The following SRPK2 variants were observed in gnomAD, a reference collection of about 807,000 sequenced individuals.
The protein encoded by SRPK2 is SFRS protein kinase 2.
A neutral mutation model predicts 90.8 loss-of-function variants in SRPK2; 21 were observed. That is an observed-to-expected ratio of 0.23 (90% CI 0.16 to 0.33). The LOEUF is 0.33. Among genes scored for constraint, SRPK2 ranks in the 10% least tolerant of loss-of-function variants. SRPK2 has a pLI of 1.00. For missense variants in SRPK2, 620 were observed against 869.0 expected (o/e 0.71, Z 3.60); for synonymous variants, 288 against 311.1 (o/e 0.93, Z 0.78).
Position 105,205,517 on chromosome 7 carries a change from TCACACACACACACACACACACACA to T in SRPK2, c.72-1756_72-1733del, listed in dbSNP as rs543121144. On this transcript the variant is annotated intron_variant, in intron 2 of 15. Coordinates refer to ENST00000393651, the MANE Select transcript of SRPK2 (RefSeq NM_182692.3). ...TTCATTCTCTCTCTCTCTCTCTCTC[TCACACACACACACACACACACACA>T]CACACACACACACACACACACACAC... Among the ~76,000 whole-genome samples, 198 of 95,892 alleles carry T rather than the reference TCACACACACACACACACACACACA, an allele frequency of 2.1e-3. 2 individuals are homozygous for T. The highest frequency in any genetic ancestry group is 6.0e-3 in the African/African-American group (168 of 28,112). The allele number at this position is 95,892 out of a possible 152,430, so 62.9% of individuals were successfully genotyped here. A position where few individuals can be genotyped will look rare whatever the true frequency, so the allele number is the denominator to read the frequency against.
chr7:105,201,683 G>A (rs1252638331), intron 3 of SRPK2, among the ~76,000 whole-genome samples: 1 of 151,748 alleles, frequency 6.6e-6, no homozygotes, highest in African/African-American at 2.4e-5. Flanking sequence ...ACACATGCCT[G>A]CAGTTCCAAC....
In SRPK2 at chr7:105,246,230, A is replaced by C. The variant is rs577567674; in HGVS notation, c.72-42445T>G. ...AGTTACACACAGAGTAATTTCTGTC[A>C]CCGACCCCAGAGCCCCTAAGGACAG... On this transcript the variant is annotated intron_variant, in intron 2 of 15. Transcript: ENST00000393651. 1.1e-4 allele frequency among the ~76,000 whole-genome samples: 17 copies of C among 152,318 alleles called. No individual in the cohort carries two copies. The East Asian group carries it at 3.1e-3, about 28-fold the overall frequency.
intron 13 of SRPK2, among the ~76,000 whole-genome samples, chr7:105,129,692 A>T (rs1801729723): frequency 6.6e-6 from 1 of 152,090 alleles, no homozygotes; most frequent in African/African-American, 2.4e-5. Flanking sequence ...AATCTTTATT[A>T]TTATTTTTAA....
intron 2 of SRPK2, among the ~76,000 whole-genome samples, chr7:105,204,369 A>C (rs1262809437): frequency 6.6e-6 from 1 of 152,192 alleles, no homozygotes; most frequent in Non-Finnish European, 1.5e-5. Flanking sequence ...GCCTGTTCGA[A>C]GTTTTGAATG....
chr7:105,193,396 C>T (rs1794544581), intron 3 of SRPK2, among the ~76,000 whole-genome samples: 1 of 152,146 alleles, frequency 6.6e-6, no homozygotes, highest in African/African-American at 2.4e-5. Context: ...GTCTATGTGC[C>T]TATTTTTATA....
At chr7:105,323,995 G>GTGTGTGTGTA (rs1554509951) in intron 2 of SRPK2, among the ~76,000 whole-genome samples, 3 of 147,848 alleles carry the variant, frequency 2.0e-5, no homozygotes, top group Admixed American at 6.8e-5. Flanking sequence ...GTGTGTGTGT[G>GTGTGTGTGTA]TGTGTGTGTG....
At chr7:105,371,298 G>A (rs540063684) in intron 2 of SRPK2, among the ~76,000 whole-genome samples, 1 of 151,712 alleles carries the variant, frequency 6.6e-6, no homozygotes, top group African/African-American at 2.4e-5. Flanking sequence ...CAGCTACTCG[G>A]GAACATGGTG....
intron 2 of SRPK2, chr7:105,204,939 G>A (rs1796009514): frequency 3.0e-6 from 1 of 336,288 alleles, no homozygotes; most frequent in Non-Finnish European, 5.7e-6. Flanking sequence ...CCCAGTGGAA[G>A]GCCGATTCTG....
chr7:105,156,541 C>T (rs1806519609), intron 7 of SRPK2, among the ~76,000 whole-genome samples: 1 of 152,154 alleles, frequency 6.6e-6, no homozygotes, highest in Admixed American at 6.6e-5. Flanking sequence ...TGTTCTGTCA[C>T]ACAGGCTAGA....
At chr7:105,332,520 T>C (rs1483258005) in intron 2 of SRPK2, among the ~76,000 whole-genome samples, 7 of 152,128 alleles carry the variant, frequency 4.6e-5, no homozygotes. Flanking sequence ...TCTCAGCACT[T>C]TGTGAGGTCA....
intron 2 of SRPK2, among the ~76,000 whole-genome samples, chr7:105,359,854 G>A (rs1191737431): frequency 2.0e-5 from 3 of 152,170 alleles, no homozygotes; most frequent in Non-Finnish European, 4.4e-5. Context: ...TGTATATTCC[G>A]TTGATTTGGG....
chr7:105,260,416 G>C (rs959325936), intron 2 of SRPK2, among the ~76,000 whole-genome samples: 1 of 152,150 alleles, frequency 6.6e-6, no homozygotes, highest in Non-Finnish European at 1.5e-5. Context: ...GAAATAGGAA[G>C]GCTTTTACAC....
chr7:105,215,290 CAAT>C (rs1189653958), intron 2 of SRPK2, among the ~76,000 whole-genome samples: 1 of 152,104 alleles, frequency 6.6e-6, no homozygotes, highest in Non-Finnish European at 1.5e-5. Context: ...ATCAAAACCA[CAAT>C]GAGATACCAC....
At chr7:105,278,486 C>CA (rs1298649235) in intron 2 of SRPK2, among the ~76,000 whole-genome samples, 7 of 129,762 alleles carry the variant, frequency 5.4e-5, no homozygotes, top group Non-Finnish European at 1.1e-4. Flanking sequence ...CCAGCCTGGC[C>CA]AACACGGTGA....
intron 2 of SRPK2, among the ~76,000 whole-genome samples, chr7:105,314,802 A>C (rs1812133959): frequency 6.6e-6 from 1 of 152,254 alleles, no homozygotes; most frequent in South Asian, 2.1e-4. Context: ...AAAAACCTGT[A>C]AACATAAATG....
At chr7:105,244,874 G>A in intron 2 of SRPK2, 1 of 1,301,134 alleles carries the variant, frequency 7.7e-7, no homozygotes, top group Non-Finnish European at 1.1e-6. Flanking sequence ...AGTTCATCAA[G>A]AAAAGGGTGT....
intron 2 of SRPK2, among the ~76,000 whole-genome samples, chr7:105,276,073 G>T (rs1347958829): frequency 7.3e-6 from 1 of 137,552 alleles, no homozygotes; most frequent in Non-Finnish European, 1.6e-5. Context: ...ACATGAGGAG[G>T]ATATATATAT....
intron 3 of SRPK2, among the ~76,000 whole-genome samples, chr7:105,185,949 T>C (rs1038908405): frequency 6.6e-6 from 1 of 152,238 alleles, no homozygotes; most frequent in Non-Finnish European, 1.5e-5. Flanking sequence ...GTTAGTTTAC[T>C]GTACCTACAT....
At position 105,275,477 on chromosome 7, in the gene SRPK2, ACT is replaced by A. The variant is rs1585483762; in HGVS notation, c.72-71694_72-71693del. On this transcript the variant is annotated intron_variant, in intron 2 of 15. Coordinates refer to ENST00000393651, the MANE Select transcript of SRPK2 (RefSeq NM_182692.3). Reference sequence around the variant, plus strand: ...ATCCAACCTACAGATCTTCCTCATAACTCTTTTATTCTTGTTTTTACTCACAC... The same window carrying A: ...ATCCAACCTACAGATCTTCCTCATAACTTTTATTCTTGTTTTTACTCACAC... Among the ~76,000 whole-genome samples, 4 of 151,936 alleles carry A rather than the reference ACT, an allele frequency of 2.6e-5. No homozygotes were observed. The East Asian group carries it at 7.7e-4, about 29-fold the overall frequency.
Sources: gnomAD v4.1 joint callset for allele counts (sites outside exome capture counted in the v4.1 genomes callset) on GRCh38, gnomAD v4.1.1 for gene constraint, MANE v1.5 for transcripts, NCBI Gene and HGNC (gene_info 2026-07-23, HGNC 2026-07-21) for gene names.